Variants in SARNP observed in about 807,000 individuals in gnomAD.
SARNP encodes SAP domain-containing ribonucleoprotein.
A neutral mutation model predicts 38.1 loss-of-function variants in SARNP; 5 were observed. That is an observed-to-expected ratio of 0.13 (90% CI 0.07 to 0.28). SARNP has a LOEUF of 0.28. SARNP is among the 10% of genes least tolerant of loss of function. SARNP has a pLI of 1.00. For synonymous variants in SARNP, 84 were observed against 80.6 expected (o/e 1.04, Z -0.23); for missense variants, 180 against 243.9 (o/e 0.74, Z 1.75).
intron 9 of SARNP, chr12:55,762,018 T>A (rs1878691173): frequency 6.6e-6 from 1 of 152,300 alleles, no homozygotes; most frequent in Admixed American, 6.5e-5. Context: ...AAGGGCACAG[T>A]GGCTCACACC....
At chr12:55,807,762 C>CGAGATCGTGCCACTG (rs1168835992) in intron 1 of SARNP, among the ~76,000 whole-genome samples, 3 of 149,586 alleles carry the variant, frequency 2.0e-5, no homozygotes, top group African/African-American at 7.4e-5. Flanking sequence ...TGCAGTGAGC[C>CGAGATCGTGCCACTG]GAGATCGTGC....
At chr12:55,790,756 C>A (rs1482761874) in intron 7 of SARNP, among the ~76,000 whole-genome samples, 164 bp from the exon 8 acceptor site, 1 of 152,178 alleles carries the variant, frequency 6.6e-6, no homozygotes, top group Non-Finnish European at 1.5e-5. Flanking sequence ...CTAGCAGGAA[C>A]ATAAAATGGT....
chr12:55,780,471 A>AAAGAG (rs533064028), intron 9 of SARNP, among the ~76,000 whole-genome samples: 43 of 152,062 alleles, frequency 2.8e-4, no homozygotes, highest in East Asian at 5.8e-4. Flanking sequence ...AAAAGAAAGA[A>AAAGAG]AAGAGAAGAG....
chr12:55,776,865 G>A (rs932887809), intron 9 of SARNP, among the ~76,000 whole-genome samples: 1 of 152,154 alleles, frequency 6.6e-6, no homozygotes, highest in African/African-American at 2.4e-5. Flanking sequence ...TCAAGAACCA[G>A]GCTGGCAAAA....
intron 9 of SARNP, chr12:55,760,931 C>T (rs1197509566): frequency 1.4e-5 from 4 of 287,052 alleles, no homozygotes; most frequent in South Asian, 1.1e-4. Context: ...AATCCTAGCA[C>T]TTTGGGAGGC....
downstream of SARNP, chr12:55,756,977 A>G (rs1878524416): frequency 6.6e-6 from 1 of 152,224 alleles, no homozygotes. Context: ...TATCCTTTGC[A>G]ACACCTAAAA....
At chr12:55,798,230 C>T (rs1879875207) in intron 4 of SARNP, among the ~76,000 whole-genome samples, 1 of 152,192 alleles carries the variant, frequency 6.6e-6, no homozygotes, top group Admixed American at 6.5e-5. Flanking sequence ...TGATTACTGG[C>T]TCACACCTGT....
At chr12:55,787,713 G>C (rs969141498) in intron 9 of SARNP, among the ~76,000 whole-genome samples, 15 of 151,600 alleles carry the variant, frequency 9.9e-5, no homozygotes, top group Non-Finnish European at 1.3e-4. Context: ...TGGGATTACA[G>C]GCACGGTGGT....
At chr12:55,768,704 A>C (rs1266940380) in intron 9 of SARNP, among the ~76,000 whole-genome samples, 1 of 152,062 alleles carries the variant, frequency 6.6e-6, no homozygotes, top group African/African-American at 2.4e-5. Flanking sequence ...CTAGGATTAC[A>C]GGCGTGAGCT....
At chr12:55,813,051 T>C (rs1224884753) in intron 1 of SARNP, among the ~76,000 whole-genome samples, 2 of 152,104 alleles carry the variant, frequency 1.3e-5, no homozygotes, top group Non-Finnish European at 2.9e-5. Flanking sequence ...GTTCAAGTGA[T>C]TCTCCTGTCT....
At chr12:55,804,453 A>T (rs898773378) in intron 1 of SARNP, among the ~76,000 whole-genome samples, 4 of 152,148 alleles carry the variant, frequency 2.6e-5, no homozygotes, top group Admixed American at 6.5e-5. Flanking sequence ...ACTAATAATA[A>T]GCCAAAACAA....
intron 9 of SARNP, among the ~76,000 whole-genome samples, chr12:55,765,852 G>A (rs574637317): frequency 1.3e-5 from 2 of 151,974 alleles, no homozygotes; most frequent in Non-Finnish European, 2.9e-5. Flanking sequence ...TGCAGGGAAA[G>A]TGCACAACTG....
intron 7 of SARNP, among the ~76,000 whole-genome samples, chr12:55,791,403 T>C (rs1300931568): frequency 6.6e-6 from 1 of 152,206 alleles, no homozygotes; most frequent in East Asian, 1.9e-4. Flanking sequence ...GAGTTGAAAT[T>C]ATGGCTCCTG....
intron 1 of SARNP, among the ~76,000 whole-genome samples, chr12:55,808,777 G>C (rs1309533774): frequency 6.6e-6 from 1 of 151,138 alleles, no homozygotes; most frequent in Non-Finnish European, 1.5e-5. Context: ...ATGAATGAAT[G>C]AGAAACAGAT....
At chr12:55,813,824 G>A (rs1390432338) in intron 1 of SARNP, among the ~76,000 whole-genome samples, 2 of 152,132 alleles carry the variant, frequency 1.3e-5, no homozygotes, top group South Asian at 2.1e-4. Flanking sequence ...GATTACAAGC[G>A]TGAGCCACTG....
chr12:55,773,798 A>G (rs1206103275), intron 9 of SARNP, among the ~76,000 whole-genome samples: 1 of 150,968 alleles, frequency 6.6e-6, no homozygotes, highest in Non-Finnish European at 1.5e-5. Context: ...GCAACCCTCC[A>G]CCTCCCAGGT....
At chr12:55,768,581 C>A (rs1431081047) in intron 9 of SARNP, among the ~76,000 whole-genome samples, 2 of 150,758 alleles carry the variant, frequency 1.3e-5, no homozygotes, top group African/African-American at 4.9e-5. Context: ...CCCACCACCA[C>A]CACACCAGGC....
chr12:55,798,925 G>A (rs1477341508), intron 4 of SARNP, among the ~76,000 whole-genome samples: 1 of 152,100 alleles, frequency 6.6e-6, no homozygotes, highest in African/African-American at 2.4e-5. Flanking sequence ...GACAGTACAT[G>A]TAAAACATTC....
At chr12:55,784,062 C>T (rs1253015849) in intron 9 of SARNP, among the ~76,000 whole-genome samples, 1 of 152,072 alleles carries the variant, frequency 6.6e-6, no homozygotes, top group Non-Finnish European at 1.5e-5. Context: ...AGCAAGCACG[C>T]AGGGTCGTAA....
Sources: gnomAD v4.1 joint callset for allele counts (sites outside exome capture counted in the v4.1 genomes callset) on GRCh38, gnomAD v4.1.1 for gene constraint, MANE v1.5 for transcripts, NCBI Gene and HGNC (gene_info 2026-07-23, HGNC 2026-07-21) for gene names.